The following RNF169 variants were observed in gnomAD, a reference collection of about 807,000 sequenced individuals.
RNF169 encodes E3 ubiquitin-protein ligase RNF169.
Under a neutral mutation model 53.9 loss-of-function variants are expected in RNF169, and 24 were observed. The observed-to-expected ratio is 0.45, with a 90% confidence interval of 0.32 to 0.63. The LOEUF is 0.63. Among genes scored for constraint, RNF169 ranks in the 20% least tolerant of loss-of-function variants. The pLI is 0.04. For synonymous variants in RNF169, 396 were observed against 363.5 expected (o/e 1.09, Z -1.02); for missense variants, 883 against 906.2 (o/e 0.97, Z 0.33).
intron 1 of RNF169, among the ~76,000 whole-genome samples, chr11:74,764,267 C>G (rs7932031): frequency 6.6e-6 from 1 of 152,360 alleles, no homozygotes; most frequent in East Asian, 1.9e-4. Context: ...GGTGCGGTAG[C>G]GCACGCCTAT....
In RNF169 at chr11:74,836,302, G is replaced by A. The variant is rs1163072432; in HGVS notation, c.1699G>A (p.Ala567Thr). 2 of 1,614,178 alleles carry A rather than the reference G, an allele frequency of 1.2e-6. No homozygotes were observed. Among genetic ancestry groups the A allele is most frequent in the Admixed American group, 1.7e-5 (1 of 60,026 alleles). Residue 567 changes from alanine (A) to threonine (T), a missense_variant, in exon 6 of 6, where the codon GCC becomes ACC. By Grantham distance (58) the Ala-to-Thr change is moderately conservative. Coordinates refer to ENST00000299563, the MANE Select transcript of RNF169 (RefSeq NM_001098638.2). ...AKLDKTCISR[A>T]MKITTVNSVL... ...GTTAGACAAAACCTGTATAAGCAGA[G>A]CCATGAAAATCACCACAGTTAATTC...
At chr11:74,823,626 A>T (rs1357241609) in intron 4 of RNF169, among the ~76,000 whole-genome samples, 1 of 151,058 alleles carries the variant, frequency 6.6e-6, no homozygotes, top group East Asian at 1.9e-4. Context: ...GGTTCCAGCT[A>T]CTCAGGAGGC....
chr11:74,829,588 A>G (rs958806841), intron 4 of RNF169, among the ~76,000 whole-genome samples: 4 of 152,242 alleles, frequency 2.6e-5, no homozygotes, highest in Non-Finnish European at 5.9e-5. Flanking sequence ...ACATGGAACC[A>G]ATCTAAATGC....
chr11:74,752,273 C>T (rs1378965838), intron 1 of RNF169, among the ~76,000 whole-genome samples: 1 of 142,130 alleles, frequency 7.0e-6, no homozygotes, highest in Admixed American at 7.1e-5. Flanking sequence ...AGAAGTGATT[C>T]TCTCTTACCC....
chr11:74,785,247 TATGTTAG>T (rs1213035514), intron 1 of RNF169, among the ~76,000 whole-genome samples: 2 of 83,714 alleles, frequency 2.4e-5, no homozygotes, highest in South Asian at 3.2e-4. Context: ...ATATGTTATA[TATGTTAG>T]ATATATATGT....
rs114840689 is a variant in RNF169 at position 74,779,589 on chromosome 11, G to A, written c.503-10037G>A. 3.3e-3 allele frequency among the ~76,000 whole-genome samples: 502 copies of A among 152,108 alleles called. 2 individuals are homozygous for A. The highest frequency in any genetic ancestry group is 0.012 in the African/African-American group (480 of 41,468). On this transcript the variant is annotated intron_variant, in intron 1 of 5. Transcript: ENST00000299563. Reference sequence around the variant, plus strand: ...TAAACCAAAAAATAGTAGATAAAATGGGAAACACTTTAGTTTGGTTTTATT... The same window carrying A: ...TAAACCAAAAAATAGTAGATAAAATAGGAAACACTTTAGTTTGGTTTTATT...
chr11:74,817,605 C>G lies in RNF169; in HGVS notation c.733C>G (p.Arg245Gly). Residue 245 changes from arginine to glycine, a missense_variant, in exon 4 of 6, where the codon CGT becomes GGT. Coordinates refer to ENST00000299563, the MANE Select transcript of RNF169 (RefSeq NM_001098638.2). ...CTTGTCTCCCTGCCAGTGTCCTGCA[C>G]GTCTCTCAGATTCAGAGAATGAAGA... ...LKTNLERCPA[R>G]LSDSENEEPS... 2 of 1,607,858 alleles carry G rather than the reference C, an allele frequency of 1.2e-6. No homozygotes were observed. Among genetic ancestry groups the G allele is most frequent in the Non-Finnish European group, 1.7e-6 (2 of 1,174,276 alleles).
intron 1 of RNF169, among the ~76,000 whole-genome samples, chr11:74,775,951 T>A (rs2035326989): frequency 6.6e-6 from 1 of 152,206 alleles, no homozygotes; most frequent in Non-Finnish European, 1.5e-5. Context: ...CCTAAAAAGC[T>A]GGAAAGTTTT....
intron 3 of RNF169, among the ~76,000 whole-genome samples, chr11:74,815,305 C>T (rs1335812308): frequency 6.6e-6 from 1 of 152,082 alleles, no homozygotes; most frequent in African/African-American, 2.4e-5. Context: ...CCTGTAATCC[C>T]AGCACTTTGG....
intron 1 of RNF169, among the ~76,000 whole-genome samples, chr11:74,750,865 GTTTTTTTTTTTT>G (rs35173529): frequency 5.0e-5 from 3 of 60,140 alleles, no homozygotes; most frequent in East Asian, 7.3e-4. Context: ...GCCTCCCAAG[GTTTTTTTTTTTT>G]TTTTTTTTTT....
rs976778394 is a variant in RNF169 at position 74,840,878 on chromosome 11, T to TA, written c.*4151dup. 1.8e-4 allele frequency: 27 copies of TA among 150,392 alleles called. No individual in the cohort carries two copies. The highest frequency in any genetic ancestry group is 1.5e-3 in the Admixed American group (22 of 15,080). 9.3% of individuals were successfully genotyped at this position (150,392 alleles called of 1,614,324 possible). The stretch of plus-strand genomic sequence containing the variant: ...TTCCAGGGTCTGAATAAATAATCAT[T>TA]AAAGTTTGACACACGCAGACACACG... On this transcript the variant is annotated 3_prime_UTR_variant, in exon 6 of 6. Coordinates refer to ENST00000299563, the MANE Select transcript of RNF169 (RefSeq NM_001098638.2).
chr11:74,749,935 A>C (rs1238414526), intron 1 of RNF169, among the ~76,000 whole-genome samples: 1 of 152,186 alleles, frequency 6.6e-6, no homozygotes, highest in Non-Finnish European at 1.5e-5. Flanking sequence ...CTTAGCACAG[A>C]ACTTGGCACA....
chr11:74,791,217 G>C (rs907112325), intron 2 of RNF169, among the ~76,000 whole-genome samples: 4 of 152,156 alleles, frequency 2.6e-5, no homozygotes, highest in Admixed American at 6.5e-5. Flanking sequence ...CATGTCTGCC[G>C]GAGTCTGGCT....
intron 1 of RNF169, among the ~76,000 whole-genome samples, chr11:74,782,693 A>G (rs533498813): frequency 6.6e-6 from 1 of 152,280 alleles, no homozygotes; most frequent in South Asian, 2.1e-4. Flanking sequence ...GTCTCTGTGT[A>G]TTTAAAGAAA....
chr11:74,781,890 A>G (rs1362022511), intron 1 of RNF169, among the ~76,000 whole-genome samples: 2 of 152,236 alleles, frequency 1.3e-5, no homozygotes, highest in Non-Finnish European at 2.9e-5. Flanking sequence ...GTGGATAACC[A>G]TAGCACCTTC....
At chr11:74,800,611 G>A (rs2035715989) in intron 2 of RNF169, among the ~76,000 whole-genome samples, 1 of 152,120 alleles carries the variant, frequency 6.6e-6, no homozygotes, top group Non-Finnish European at 1.5e-5. Flanking sequence ...TTAATATTTA[G>A]TATTTGGAAT....
At chr11:74,783,079 G>C (rs1449359912) in intron 1 of RNF169, among the ~76,000 whole-genome samples, 4 of 151,968 alleles carry the variant, frequency 2.6e-5, no homozygotes, top group Admixed American at 2.6e-4. Context: ...AGGTACCAAG[G>C]GATGCTTTCC....
chr11:74,783,123 A>G (rs747229078), intron 1 of RNF169, among the ~76,000 whole-genome samples: 2 of 152,164 alleles, frequency 1.3e-5, no homozygotes, highest in Non-Finnish European at 2.9e-5. Flanking sequence ...GCATCTTCCC[A>G]TCACAGTTGA....
At position 74,748,953 on chromosome 11, in the gene RNF169, CG is replaced by C; in HGVS notation, c.77del (p.Gly26AlafsTer152). 2.0e-6 allele frequency: 3 copies of C among 1,465,970 alleles called. No homozygotes were observed. Among genetic ancestry groups the C allele is most frequent in the Non-Finnish European group, 2.7e-6 (3 of 1,097,012 alleles). The allele number at this position is 1,465,970 out of a possible 1,614,324, so 90.8% of individuals were successfully genotyped here. A position where few individuals can be genotyped will look rare whatever the true frequency, so the allele number is the denominator to read the frequency against. ...AGCCGCTCTGAGTCGGCGGGGCCGG[CG>C]GGGCCGCTGTGACGAGACGGCGGCA... ...AAAALSRRGRRGRCDETAAAK... is the reference protein window; with the variant it reads ...AAAALSRRGRXGRCDETAAAK... On this transcript the variant is annotated frameshift_variant, in exon 1 of 6. Coordinates refer to ENST00000299563, the MANE Select transcript of RNF169 (RefSeq NM_001098638.2). LOFTEE classifies it high-confidence loss of function.
Sources: allele counts gnomAD v4.1 joint callset (sites outside exome capture counted in the v4.1 genomes callset), GRCh38; gene constraint gnomAD v4.1.1; transcripts MANE v1.5; gene names NCBI Gene and HGNC (gene_info 2026-07-23, HGNC 2026-07-21).